ZNF385D: variants seen among roughly 807,000 people sequenced by gnomAD.
The protein encoded by ZNF385D is zinc finger protein 385D, also known as zinc finger protein 659.
A neutral mutation model predicts 35.8 loss-of-function variants in ZNF385D; 15 were observed. That is an observed-to-expected ratio of 0.42 (90% CI 0.28 to 0.64). The LOEUF is 0.64. Among genes scored for constraint, ZNF385D ranks in the 30% least tolerant of loss-of-function variants. ZNF385D has a pLI of 0.23. For synonymous variants in ZNF385D, 212 were observed against 186.8 expected (o/e 1.13, Z -1.10); for missense variants, 474 against 494.6 (o/e 0.96, Z 0.39).
rs116443742 is a variant in ZNF385D at position 22,272,925 on chromosome 3, G to A, written c.106+99525C>T. On this transcript the variant is annotated intron_variant, in intron 2 of 5. Transcript: ENST00000494108. ...GGGGGCCAACTTTCAGAAACGATCA[G>A]AAATAAGAGAGGACAAAATTAATGA... 4.7e-3 allele frequency among the ~76,000 whole-genome samples: 720 copies of A among 151,960 alleles called. 3 individuals carry two copies. The highest frequency in any genetic ancestry group is 0.017 in the African/African-American group (685 of 41,492).
chr3:22,024,460 T>C (rs143035087), intron 3 of ZNF385D, among the ~76,000 whole-genome samples: 101 of 152,156 alleles, frequency 6.6e-4, no homozygotes, highest in African/African-American at 2.4e-3. Flanking sequence ...TTTCTGGAGT[T>C]GGCTGCTTGA....
intron 2 of ZNF385D, among the ~76,000 whole-genome samples, chr3:22,342,037 AG>A (rs1695444304): frequency 3.9e-5 from 6 of 152,194 alleles, no homozygotes; most frequent in Admixed American, 3.9e-4. Flanking sequence ...GCACTTTGGG[AG>A]GCCAAGGCAG....
At chr3:22,132,277 A>T (rs1703846718) in intron 3 of ZNF385D, among the ~76,000 whole-genome samples, 2 of 152,256 alleles carry the variant, frequency 1.3e-5, no homozygotes, top group African/African-American at 4.8e-5. Context: ...AACATATGAG[A>T]ACACATGAAA....
chr3:22,155,868 C>T (rs866770351), intron 3 of ZNF385D, among the ~76,000 whole-genome samples: 3 of 151,986 alleles, frequency 2.0e-5, no homozygotes, highest in African/African-American at 7.2e-5. Context: ...GTCTCATTTA[C>T]AGTTAATAAC....
intron 2 of ZNF385D, among the ~76,000 whole-genome samples, chr3:21,585,811 C>G (rs2063792858): frequency 6.6e-6 from 1 of 152,030 alleles, no homozygotes; most frequent in African/African-American, 2.4e-5. Context: ...ACACATGGTT[C>G]AAATAGGTGA....
chr3:21,899,301 C>A (rs1699288016), intron 3 of ZNF385D, among the ~76,000 whole-genome samples: 1 of 152,146 alleles, frequency 6.6e-6, no homozygotes, highest in Non-Finnish European at 1.5e-5. Context: ...CCTGGTCAAA[C>A]TGCCTTTTGA....
In ZNF385D at chr3:21,415,743, CCCCA is replaced by C; in HGVS notation, c.*5467_*5470del. 1 of 152,060 alleles carries C rather than the reference CCCCA, an allele frequency of 6.6e-6. No homozygotes were observed. The highest frequency in any genetic ancestry group is 2.1e-4 in the South Asian group (1 of 4,832). The allele number at this position is 152,060 out of a possible 1,614,324, so 9.4% of individuals were successfully genotyped here. On this transcript the variant is annotated 3_prime_UTR_variant, in exon 8 of 8. Coordinates refer to ENST00000281523, the MANE Select transcript of ZNF385D (RefSeq NM_024697.3). ...ACCTGCCAGTCTGAAAATAACATGA[CCCCA>C]TTATCGGCTGTCTTAGTTAACCAAA...
At chr3:21,898,641 A>G (rs1371638878) in intron 3 of ZNF385D, among the ~76,000 whole-genome samples, 1 of 152,188 alleles carries the variant, frequency 6.6e-6, no homozygotes, top group Non-Finnish European at 1.5e-5. Context: ...AGCATTAGCC[A>G]AAGTAACACA....
At chr3:21,698,417 CATAAAG>C (rs1275524456) in intron 1 of ZNF385D, among the ~76,000 whole-genome samples, 2 of 151,838 alleles carry the variant, frequency 1.3e-5, no homozygotes, top group African/African-American at 2.4e-5. Flanking sequence ...ACAAAGTCAC[CATAAAG>C]ATAAAGATAA....
chr3:21,808,768 T>C (rs936724479), intron 3 of ZNF385D, among the ~76,000 whole-genome samples: 9 of 152,182 alleles, frequency 5.9e-5, no homozygotes, highest in African/African-American at 2.2e-4. Context: ...GGGGAAACCC[T>C]AGAGCAGCCA....
rs1160110709 is a variant in ZNF385D at position 22,216,162 on chromosome 3, TCTGA to T, written c.107-47131_107-47128del. Among the ~76,000 whole-genome samples, 4 of 152,202 alleles carry T rather than the reference TCTGA, an allele frequency of 2.6e-5. No individual in the cohort carries two copies. The East Asian group carries it at 7.7e-4, about 29-fold the overall frequency. ...CTCTGAAACAGATATTTCAGGAAAG[TCTGA>T]CTTTGATCACTTTGTCTCTCCTTGC... On this transcript the variant is annotated intron_variant, in intron 2 of 5. Transcript: ENST00000494108.
At chr3:22,103,759 G>A (rs1050239609) in intron 3 of ZNF385D, among the ~76,000 whole-genome samples, 6 of 146,692 alleles carry the variant, frequency 4.1e-5, no homozygotes, top group African/African-American at 1.5e-4. Context: ...CCTGGTTGTG[G>A]CAGGAAAACC....
chr3:21,445,897 T>G (rs555600210), intron 4 of ZNF385D, among the ~76,000 whole-genome samples: 2 of 152,212 alleles, frequency 1.3e-5, no homozygotes, highest in Non-Finnish European at 2.9e-5. Context: ...TTTCAAATAA[T>G]ATTTATTTCA....
intron 3 of ZNF385D, among the ~76,000 whole-genome samples, chr3:22,131,743 T>C (rs997524727): frequency 6.6e-6 from 1 of 152,180 alleles, no homozygotes; most frequent in Non-Finnish European, 1.5e-5. Flanking sequence ...TGAAAGTTCA[T>C]GTTGATCGCT....
At chr3:21,898,355 T>C (rs573573780) in intron 3 of ZNF385D, among the ~76,000 whole-genome samples, 43 of 152,252 alleles carry the variant, frequency 2.8e-4, no homozygotes, top group African/African-American at 9.6e-4. Context: ...TTTCCTAATA[T>C]AGATACCTGA....
intron 1 of ZNF385D, among the ~76,000 whole-genome samples, chr3:21,674,581 C>T (rs2066667640): frequency 6.6e-6 from 1 of 152,116 alleles, no homozygotes; most frequent in African/African-American, 2.4e-5. Context: ...TTGCACCCAA[C>T]TTGCTCTTGA....
intron 3 of ZNF385D, among the ~76,000 whole-genome samples, chr3:21,828,764 C>G (rs1427705807): frequency 6.6e-6 from 1 of 152,166 alleles, no homozygotes; most frequent in African/African-American, 2.4e-5. Flanking sequence ...ATTAGTTTTA[C>G]TGCACTGAAT....
At chr3:21,447,396 C>T (rs1189202306) in intron 4 of ZNF385D, among the ~76,000 whole-genome samples, 2 of 152,170 alleles carry the variant, frequency 1.3e-5, no homozygotes, top group Non-Finnish European at 2.9e-5. Flanking sequence ...GGTAGCACCC[C>T]TGTTCCAAGA....
rs921465195 is a variant in ZNF385D at position 21,539,278 on chromosome 3, A to T, written c.276+25296T>A. Among the ~76,000 whole-genome samples, 2 of 152,100 alleles carry T rather than the reference A, an allele frequency of 1.3e-5. No homozygotes were observed. Among genetic ancestry groups the T allele is most frequent in the Non-Finnish European group, 2.9e-5 (2 of 68,004 alleles). On this transcript the variant is annotated intron_variant, in intron 3 of 7. Coordinates refer to ENST00000281523, the MANE Select transcript of ZNF385D (RefSeq NM_024697.3). This position sits in a 1 kb window ranked among gnomAD's most constrained non-coding sequence, Gnocchi z 4.0. ...AGTGCTGTGTGGCTTCTACATTTCTACATAGATCACTTTCTCATTAATTGA... is the reference window on the plus strand; with the variant it reads ...AGTGCTGTGTGGCTTCTACATTTCTTCATAGATCACTTTCTCATTAATTGA...
Sources: gnomAD v4.1 joint callset for allele counts (sites outside exome capture counted in the v4.1 genomes callset) on GRCh38, gnomAD v4.1.1 for gene constraint, Gnocchi (gnomAD v3.1) non-coding constraint, MANE v1.5 for transcripts, NCBI Gene and HGNC (gene_info 2026-07-23, HGNC 2026-07-21) for gene names.